The following DPP6 variants were observed in gnomAD, a reference collection of about 807,000 sequenced individuals.
DPP6 encodes the protein A-type potassium channel modulatory protein DPP6.
A neutral mutation model predicts 122.6 loss-of-function variants in DPP6; 69 were observed. The observed-to-expected ratio is 0.56, with a 90% CI of 0.46 to 0.69. DPP6 has a LOEUF of 0.69. Ranked by LOEUF, DPP6 falls within the 30% of genes least tolerant of loss-of-function variation. DPP6 has a pLI of 0.00. For synonymous variants in DPP6, 418 were observed against 433.1 expected (o/e 0.97, Z 0.43); for missense variants, 928 against 1,116.9 (o/e 0.83, Z 2.41).
At chr7:153,837,601 G>A in the DPP6 span, among the ~76,000 whole-genome samples, 1 of 152,220 alleles carries the variant, frequency 6.6e-6, no homozygotes, top group South Asian at 2.1e-4. Flanking sequence ...AATACAGACC[G>A]ATTTTCCTAC....
intron 1 of DPP6, among the ~76,000 whole-genome samples, chr7:153,947,011 G>A (rs1278322428): frequency 6.6e-6 from 1 of 152,102 alleles, no homozygotes; most frequent in African/African-American, 2.4e-5. Context: ...CTTTGCTGAC[G>A]GTGTGATATT....
chr7:154,513,747 G>A (rs1826266463), intron 3 of DPP6, among the ~76,000 whole-genome samples: 1 of 152,044 alleles, frequency 6.6e-6, no homozygotes, highest in Non-Finnish European at 1.5e-5. Context: ...TTTGTATGAG[G>A]ACAGTTTCCT....
the DPP6 span, among the ~76,000 whole-genome samples, chr7:153,852,685 GTT>G: frequency 6.6e-6 from 1 of 151,984 alleles, no homozygotes; most frequent in Non-Finnish European, 1.5e-5. Context: ...ACAAACACAG[GTT>G]TATGTCTGTG....
intron 1 of DPP6, among the ~76,000 whole-genome samples, chr7:153,945,143 G>A (rs1750697523): frequency 2.0e-5 from 3 of 152,174 alleles, no homozygotes; most frequent in Admixed American, 2.0e-4. Context: ...TTTTGACCCT[G>A]CTGGTGCCAA....
intron 8 of DPP6, among the ~76,000 whole-genome samples, chr7:154,734,405 A>G (rs529745635): frequency 4.6e-5 from 7 of 152,352 alleles, no homozygotes; most frequent in South Asian, 4.1e-4. Flanking sequence ...GCACCTGGCT[A>G]GGGCACTTCA....
At chr7:154,145,336 G>A (rs1455361646) in intron 1 of DPP6, among the ~76,000 whole-genome samples, 3 of 152,122 alleles carry the variant, frequency 2.0e-5, no homozygotes, top group African/African-American at 4.8e-5. Context: ...CTCTAGCTGA[G>A]AGCTAAAAGG....
At chr7:154,719,419 G>GA (rs930289728) in intron 7 of DPP6, among the ~76,000 whole-genome samples, 13 of 152,000 alleles carry the variant, frequency 8.6e-5, no homozygotes, top group African/African-American at 3.1e-4. Context: ...AACTCAAAGG[G>GA]AAAATGACAT....
chr7:154,817,428 G>A (rs1167828837), intron 16 of DPP6, among the ~76,000 whole-genome samples: 10 of 152,134 alleles, frequency 6.6e-5, no homozygotes, highest in Admixed American at 5.2e-4. Flanking sequence ...AACATTATGA[G>A]TGATTGATAT....
chr7:153,870,453 G>A, the DPP6 span, among the ~76,000 whole-genome samples: 29 of 152,134 alleles, frequency 1.9e-4, no homozygotes, highest in Non-Finnish European at 3.2e-4. Context: ...CAGCTACTGA[G>A]GCTTCTGCAT....
chr7:154,015,935 C>G (rs1350264208), intron 1 of DPP6, among the ~76,000 whole-genome samples: 1 of 152,186 alleles, frequency 6.6e-6, no homozygotes, highest in Non-Finnish European at 1.5e-5. Context: ...AAGCTCCTTA[C>G]TGACCTCTAA....
At chr7:154,006,763 T>C (rs995766233) in intron 1 of DPP6, among the ~76,000 whole-genome samples, 1 of 152,240 alleles carries the variant, frequency 6.6e-6, no homozygotes, top group African/African-American at 2.4e-5. Context: ...TAAAAGACTA[T>C]CTGCACGCAG....
rs189205280 is a variant in DPP6, at chr7:154,668,377, C to T, written c.681-983C>T. ...CTGGGACTACAGGCACCCGCCACCGCGCCCGACTAATTTTTTATATTTTTA... is the reference window on the plus strand; with the variant it reads ...CTGGGACTACAGGCACCCGCCACCGTGCCCGACTAATTTTTTATATTTTTA... On this transcript the variant is annotated intron_variant, in intron 6 of 25. Coordinates refer to ENST00000377770, the MANE Select transcript of DPP6 (RefSeq NM_130797.4). Among the ~76,000 whole-genome samples, 239 of 150,702 alleles carry T rather than the reference C, an allele frequency of 1.6e-3. 1 individual carries two copies. Among genetic ancestry groups the T allele is most frequent in the Middle Eastern group, 3.4e-3 (1 of 292 alleles).
At chr7:154,330,869 A>G (rs748178163) in intron 1 of DPP6, among the ~76,000 whole-genome samples, 2 of 152,168 alleles carry the variant, frequency 1.3e-5, no homozygotes, top group African/African-American at 2.4e-5. Context: ...CCCCGAAGGC[A>G]GGGCAGAGCA....
chr7:154,245,799 C>G (rs1327969432), intron 1 of DPP6, among the ~76,000 whole-genome samples: 4 of 152,036 alleles, frequency 2.6e-5, no homozygotes. Context: ...CTTTGAAATA[C>G]CTGAAGTAAA....
chr7:153,928,172 A>C (rs1029818970), intron 1 of DPP6, among the ~76,000 whole-genome samples: 1 of 151,832 alleles, frequency 6.6e-6, no homozygotes, highest in African/African-American at 2.4e-5. Context: ...TCAAGGTGCC[A>C]ATAGATTTGG....
At chr7:153,993,274 A>G (rs536110328) in intron 1 of DPP6, among the ~76,000 whole-genome samples, 37 of 152,352 alleles carry the variant, frequency 2.4e-4, no homozygotes, top group Admixed American at 1.4e-3. Context: ...TTGTGAAGCA[A>G]TAGATCTAGC....
rs182804486 is a variant in DPP6, at chr7:154,193,369, C to T, written c.243+140306C>T. Among the ~76,000 whole-genome samples, 506 of 152,278 alleles carry T rather than the reference C, an allele frequency of 3.3e-3. 4 individuals are homozygous for T. Among genetic ancestry groups the T allele is most frequent in the African/African-American group, 0.011 (476 of 41,552 alleles). ...GATATCTGTCAGATGATCTTATACT[C>T]ATATTTTTGAGGAAGCAAGAGTGGG... On this transcript the variant is annotated intron_variant, in intron 1 of 25. Transcript: ENST00000377770.
In DPP6 at chr7:154,548,785, T is replaced by A. The variant is rs978291458; in HGVS notation, c.552+8159T>A. On this transcript the variant is annotated intron_variant, in intron 4 of 25. Coordinates refer to ENST00000377770, the MANE Select transcript of DPP6 (RefSeq NM_130797.4). ...GCCTGCATATAAAAGAAGTAGTTGT[T>A]TTAACATAATATATTTTGCAACGGA... Among the ~76,000 whole-genome samples the A allele has an allele frequency of 3.9e-5, 6 of 152,162 alleles. No individual in the cohort carries two copies. The East Asian group carries it at 1.2e-3, about 29-fold the overall frequency.
At chr7:154,036,042 GTGTGTA>G (rs1799510305) in intron 1 of DPP6, among the ~76,000 whole-genome samples, 2 of 149,060 alleles carry the variant, frequency 1.3e-5, no homozygotes, top group Admixed American at 1.3e-4. Context: ...GTGTGTGTGT[GTGTGTA>G]TGTGAAAATA....
Sources: allele counts gnomAD v4.1 joint callset (sites outside exome capture counted in the v4.1 genomes callset), GRCh38; gene constraint gnomAD v4.1.1; transcripts MANE v1.5; gene names NCBI Gene and HGNC (gene_info 2026-07-23, HGNC 2026-07-21).